GRIN2B: variants seen among roughly 807,000 people sequenced by gnomAD.
The protein encoded by GRIN2B is glutamate ionotropic receptor NMDA type subunit 2B.
Under a neutral mutation model 114.5 loss-of-function variants are expected in GRIN2B, and 5 were observed. The ratio of observed to expected loss-of-function variants is 0.04; its 90% CI spans 0.02 to 0.09. The LOEUF is 0.09. Ranked by LOEUF, GRIN2B falls within the 10% of genes least tolerant of loss-of-function variation. The pLI, the probability that GRIN2B is intolerant of heterozygous loss-of-function variation, is 1.00. For synonymous variants in GRIN2B, 787 were observed against 745.1 expected, an observed-to-expected ratio of 1.06 and a Z score of -0.92; for missense variants, 1,108 against 1,943.5, an observed-to-expected ratio of 0.57 and a Z score of 8.08.
At chr12:13,766,669 A>G (rs1465176738) in intron 3 of GRIN2B, among the ~76,000 whole-genome samples, 1 of 152,236 alleles carries the variant, frequency 6.6e-6, no homozygotes, top group African/African-American at 2.4e-5. Context: ...TTAATATGAC[A>G]GGACTTGTCC....
At chr12:13,668,403 G>C (rs1591667154) in intron 5 of GRIN2B, among the ~76,000 whole-genome samples, 1 of 152,262 alleles carries the variant, frequency 6.6e-6, no homozygotes. Context: ...GGGAGTAGCA[G>C]CTTGACATTT....
At chr12:13,960,171 C>G (rs547500918) in intron 2 of GRIN2B, among the ~76,000 whole-genome samples, 1 of 152,122 alleles carries the variant, frequency 6.6e-6, no homozygotes, top group African/African-American at 2.4e-5. Flanking sequence ...TGGCAAATGT[C>G]CTTTGAGAGG....
chr12:13,753,950 A>T lies in GRIN2B; in HGVS notation c.412-35T>A, dbSNP rs199786625. The stretch of plus-strand genomic sequence containing the variant: ...GAACAGGACAAAAAAAGGAAGAGAG[A>T]AAAAAATCAAACCAAAGATGGTAAT... On this transcript the variant is annotated intron_variant, in intron 3 of 13. Transcript: ENST00000609686. This position sits in a 1 kb window ranked among gnomAD's most constrained non-coding sequence, Gnocchi z 6.2. 5.0e-6 allele frequency: 7 copies of T among 1,390,812 alleles called. No homozygotes were observed. The highest frequency in any genetic ancestry group is 4.6e-5 in the East Asian group (2 of 43,672). 86.2% of individuals were successfully genotyped at this position (1,390,812 alleles called of 1,614,324 possible).
intron 4 of GRIN2B, among the ~76,000 whole-genome samples, chr12:13,706,783 C>T (rs1950363222): frequency 1.3e-5 from 2 of 152,100 alleles, no homozygotes; most frequent in South Asian, 4.1e-4. Flanking sequence ...ACAAAACACT[C>T]ACAAAGTAAA....
chr12:13,719,579 A>G (rs867000365), intron 4 of GRIN2B, among the ~76,000 whole-genome samples: 4 of 152,202 alleles, frequency 2.6e-5, no homozygotes, highest in Middle Eastern at 6.8e-3. Flanking sequence ...CCATCACAGT[A>G]CAATGTGCAG....
chr12:13,607,360 ATATATATTATATAT>A (rs71067715), intron 10 of GRIN2B, among the ~76,000 whole-genome samples: 3 of 38,720 alleles, frequency 7.7e-5, no homozygotes, highest in Non-Finnish European at 1.3e-4. Flanking sequence ...AAAATATATA[ATATATATTATATAT>A]TATATATATA....
chr12:13,609,727 C>G (rs1406519729), intron 9 of GRIN2B, among the ~76,000 whole-genome samples: 1 of 150,670 alleles, frequency 6.6e-6, no homozygotes, highest in East Asian at 2.0e-4. Flanking sequence ...GAGCTGAGAT[C>G]GCGCCACTGC....
intron 2 of GRIN2B, among the ~76,000 whole-genome samples, chr12:13,913,095 C>T (rs1276132002): frequency 6.6e-6 from 1 of 152,100 alleles, no homozygotes; most frequent in Non-Finnish European, 1.5e-5. Flanking sequence ...AGCTACTGTC[C>T]CATGTGAAAA....
chr12:13,868,359 A>G (rs1865857712), intron 2 of GRIN2B, among the ~76,000 whole-genome samples: 1 of 152,062 alleles, frequency 6.6e-6, no homozygotes, highest in African/African-American at 2.4e-5. Context: ...TCCTCCCAGA[A>G]CTTAAAGGAA....
At chr12:13,651,036 T>C (rs1271290474) in intron 5 of GRIN2B, among the ~76,000 whole-genome samples, 1 of 152,134 alleles carries the variant, frequency 6.6e-6, no homozygotes, top group Non-Finnish European at 1.5e-5. Context: ...CTCTTCTACC[T>C]TGCAAATCTG....
At chr12:13,694,691 ATATATATATAT>A (rs1565503126) in intron 4 of GRIN2B, among the ~76,000 whole-genome samples, 104 of 117,952 alleles carry the variant, frequency 8.8e-4, no homozygotes, top group Non-Finnish European at 5.2e-4. Context: ...ATATATATAT[ATATATATATAT>A]AAATTAATTA....
rs1863514098 is a variant in GRIN2B, at chr12:13,753,165, C to T, written c.1010+152G>A. The T allele has an allele frequency of 1.3e-6, 1 of 745,072 alleles. No homozygotes were observed. The highest frequency in any genetic ancestry group is 2.5e-6 in the Non-Finnish European group (1 of 407,238). The allele number at this position is 745,072 out of a possible 1,614,324, so 46.2% of individuals were successfully genotyped here. ...TTGGCAAGGTTGGATCCAAAACACT[C>T]CCCCAATCATGACCAATTGCCATGC... On this transcript the variant is annotated intron_variant, in intron 4 of 13. Transcript: ENST00000609686. This position sits in a 1 kb window ranked among gnomAD's most constrained non-coding sequence, Gnocchi z 6.2.
At chr12:13,651,074 G>A (rs1265850928) in intron 5 of GRIN2B, among the ~76,000 whole-genome samples, 2 of 152,042 alleles carry the variant, frequency 1.3e-5, no homozygotes, top group Admixed American at 6.6e-5. Flanking sequence ...TAAATGAGAG[G>A]GAAGTCCAAT....
chr12:13,730,400 C>G (rs1485231989), intron 4 of GRIN2B, among the ~76,000 whole-genome samples: 1 of 152,152 alleles, frequency 6.6e-6, no homozygotes, highest in Non-Finnish European at 1.5e-5. Flanking sequence ...TTTTGGTACT[C>G]TTTGTTCCAG....
chr12:13,918,066 A>G (rs1866762421), intron 2 of GRIN2B, among the ~76,000 whole-genome samples: 2 of 152,268 alleles, frequency 1.3e-5, no homozygotes, highest in Non-Finnish European at 2.9e-5. Context: ...ACTGTGAAAA[A>G]AGCCCTGGAC....
At chr12:13,645,704 C>T (rs1236898283) in intron 5 of GRIN2B, among the ~76,000 whole-genome samples, 1 of 151,316 alleles carries the variant, frequency 6.6e-6, no homozygotes, top group Non-Finnish European at 1.5e-5. Context: ...CCTAGTTTTT[C>T]ATTTTCTTTC....
At chr12:13,816,310 T>A (rs1334154067) in intron 3 of GRIN2B, among the ~76,000 whole-genome samples, 1 of 152,198 alleles carries the variant, frequency 6.6e-6, no homozygotes, top group Non-Finnish European at 1.5e-5. Flanking sequence ...TAGATGGTTA[T>A]GGAAATGACA....
intron 3 of GRIN2B, among the ~76,000 whole-genome samples, chr12:13,831,308 A>G (rs578023971): frequency 1.3e-5 from 2 of 152,350 alleles, no homozygotes; most frequent in Admixed American, 1.3e-4. Flanking sequence ...ATGAACTAAG[A>G]CAGCAGGCAA....
At chr12:13,573,077 A>C (rs1436173259) in intron 10 of GRIN2B, among the ~76,000 whole-genome samples, 6 of 133,756 alleles carry the variant, frequency 4.5e-5, no homozygotes, top group Admixed American at 4.3e-4. Flanking sequence ...CGCTCTGTGC[A>C]TCCTGTCCTC....
Sources: gnomAD v4.1 joint callset for allele counts (sites outside exome capture counted in the v4.1 genomes callset) on GRCh38, gnomAD v4.1.1 for gene constraint, Gnocchi (gnomAD v3.1) non-coding constraint, MANE v1.5 for transcripts, NCBI Gene and HGNC (gene_info 2026-07-23, HGNC 2026-07-21) for gene names.